The following LRFN5 variants were observed in gnomAD, a reference collection of about 807,000 sequenced individuals.
The protein encoded by LRFN5 is leucine-rich repeat and fibronectin type-III domain-containing protein 5.
LRFN5 carries 24 observed loss-of-function variants against 45.6 expected under a neutral mutation model. That is an observed-to-expected ratio of 0.53 (90% CI 0.38 to 0.74). The LOEUF is 0.74. Ranked by LOEUF, LRFN5 falls within the 30% of genes least tolerant of loss-of-function variation. The probability of loss-of-function intolerance (pLI) is 0.00; values close to 1 mark genes in which losing one functional copy is unlikely to be tolerated. For synonymous variants in LRFN5, 340 were observed against 313.8 expected (o/e 1.08, Z -0.88); for missense variants, 776 against 861.5 (o/e 0.90, Z 1.24).
chr14:41,611,583 AG>A (rs1238976310), intron 1 of LRFN5, among the ~76,000 whole-genome samples: 3 of 152,194 alleles, frequency 2.0e-5, no homozygotes, highest in Non-Finnish European at 2.9e-5. Flanking sequence ...ATAGGTGAAA[AG>A]AAGTTGTCAC....
intron 2 of LRFN5, among the ~76,000 whole-genome samples, chr14:41,798,563 A>G (rs1887213895): frequency 6.6e-6 from 1 of 152,012 alleles, no homozygotes; most frequent in Admixed American, 6.6e-5. Flanking sequence ...TTTCCTAATG[A>G]TTAGATCCAT....
rs538767721 is a variant in LRFN5, at chr14:41,895,357, G to A, written c.2098+3395G>A. ...GTAGACACAGTGGCTGGGCACGGGG[G>A]CTCACACTGTAATCCCAGCACTCTG... On this transcript the variant is annotated intron_variant, in intron 4 of 5. Transcript: ENST00000298119. 4.6e-5 allele frequency among the ~76,000 whole-genome samples: 7 copies of A among 152,238 alleles called. No homozygotes were observed. In the South Asian group the frequency reaches 1.2e-3, roughly 27 times the overall value.
At chr14:41,665,248 T>C (rs565689021) in intron 1 of LRFN5, among the ~76,000 whole-genome samples, 75 of 152,046 alleles carry the variant, frequency 4.9e-4, no homozygotes, top group African/African-American at 1.7e-3. Flanking sequence ...CCACTTGCTG[T>C]AATGTTTTCC....
intron 2 of LRFN5, among the ~76,000 whole-genome samples, chr14:41,785,438 T>C (rs1391545209): frequency 6.6e-6 from 1 of 152,104 alleles, no homozygotes; most frequent in African/African-American, 2.4e-5. Flanking sequence ...TCTTTGTTTA[T>C]TTTTTATGGT....
intron 1 of LRFN5, among the ~76,000 whole-genome samples, chr14:41,645,123 T>C (rs1378433853): frequency 6.6e-6 from 1 of 152,194 alleles, no homozygotes; most frequent in Non-Finnish European, 1.5e-5. Context: ...AAGTTATTAA[T>C]AATACTTATT....
At chr14:41,742,451 A>G (rs889195367) in intron 1 of LRFN5, among the ~76,000 whole-genome samples, 13 of 152,190 alleles carry the variant, frequency 8.5e-5, no homozygotes, top group African/African-American at 2.9e-4. Context: ...ATAGAAAGAC[A>G]AATAGTTTAT....
intron 2 of LRFN5, among the ~76,000 whole-genome samples, chr14:41,881,294 T>C (rs994613835): frequency 2.3e-4 from 35 of 152,018 alleles, no homozygotes; most frequent in African/African-American, 8.4e-4. Context: ...TGAAGAATAC[T>C]TTTATTAGAT....
intron 1 of LRFN5, among the ~76,000 whole-genome samples, chr14:41,655,955 C>T (rs996999963): frequency 6.6e-6 from 1 of 151,940 alleles, no homozygotes; most frequent in Non-Finnish European, 1.5e-5. Flanking sequence ...TTTTTAAGTG[C>T]TTATTAGTTA....
intron 1 of LRFN5, among the ~76,000 whole-genome samples, chr14:41,659,725 CTT>C (rs1345608639): frequency 2.6e-5 from 4 of 152,074 alleles, no homozygotes; most frequent in African/African-American, 7.2e-5. Flanking sequence ...TGTTTCCTGA[CTT>C]TTTAATGATC....
intron 1 of LRFN5, among the ~76,000 whole-genome samples, chr14:41,654,610 G>A (rs1441239328): frequency 6.6e-6 from 1 of 151,950 alleles, no homozygotes; most frequent in Non-Finnish European, 1.5e-5. Context: ...CCTGAGTATA[G>A]GGACTAGGAA....
chr14:41,847,611 G>GT (rs531088745), intron 2 of LRFN5, among the ~76,000 whole-genome samples: 77 of 151,334 alleles, frequency 5.1e-4, no homozygotes, highest in African/African-American at 1.5e-3. Context: ...TTTGATATGT[G>GT]TTTTTTTTCA....
intron 2 of LRFN5, among the ~76,000 whole-genome samples, chr14:41,862,162 A>G: frequency 6.6e-6 from 1 of 152,198 alleles, no homozygotes; most frequent in Non-Finnish European, 1.5e-5. Flanking sequence ...TCTTTTCGTT[A>G]TAAATTACCA....
chr14:41,659,272 A>T (rs901605999), intron 1 of LRFN5, among the ~76,000 whole-genome samples: 1 of 151,584 alleles, frequency 6.6e-6, no homozygotes, highest in African/African-American at 2.4e-5. Flanking sequence ...TCATTGTTCA[A>T]CTCCCACTAA....
chr14:41,892,843 C>A (rs959832812), intron 4 of LRFN5: 1 of 985,258 alleles, frequency 1.0e-6, no homozygotes, highest in South Asian at 4.7e-5. Flanking sequence ...TCCTATGCAT[C>A]TACATGGACA....
At chr14:41,737,154 C>T (rs61992373) in intron 1 of LRFN5, among the ~76,000 whole-genome samples, 19,890 of 152,050 alleles carry the variant, frequency 0.13, 1,543 homozygotes, top group Non-Finnish European at 0.18. Context: ...CTATCCACCA[C>T]GATCAAGTTG....
rs1555361167 is a variant in LRFN5 at position 41,759,490 on chromosome 14, C to CACACAT, written c.-196-7359_-196-7358insTACACA. Among the ~76,000 whole-genome samples the CACACAT allele has an allele frequency of 9.1e-4, 75 of 82,292 alleles. No individual in the cohort carries two copies. The East Asian group carries it at 0.062, about 68-fold the overall frequency. 54.0% of individuals were successfully genotyped at this position (82,292 alleles called of 152,430 possible). On this transcript the variant is annotated intron_variant, in intron 1 of 5. Transcript: ENST00000298119. Reference sequence around the variant, plus strand: ...ACACACACACACACACACACACACACACACACACAGAGAGAGCACCAGAAA... The same window carrying CACACAT: ...ACACACACACACACACACACACACACACACATACACACACAGAGAGAGCACCAGAAA...
intron 1 of LRFN5, among the ~76,000 whole-genome samples, chr14:41,664,160 G>A (rs1385186953): frequency 1.3e-5 from 2 of 152,018 alleles, no homozygotes; most frequent in Non-Finnish European, 2.9e-5. Flanking sequence ...ACACGAGGGA[G>A]TAAAAATTAT....
intron 2 of LRFN5, among the ~76,000 whole-genome samples, chr14:41,882,766 C>T (rs1890426268): frequency 6.6e-6 from 1 of 151,498 alleles, no homozygotes; most frequent in Non-Finnish European, 1.5e-5. Flanking sequence ...TCGTTTTATC[C>T]CAAGTTATGT....
intron 2 of LRFN5, among the ~76,000 whole-genome samples, chr14:41,778,706 G>A (rs917139975): frequency 2.6e-5 from 4 of 151,852 alleles, no homozygotes; most frequent in South Asian, 2.1e-4. Context: ...CTGCCTCTGT[G>A]TGCAATATTG....
Sources: allele counts gnomAD v4.1 joint callset (sites outside exome capture counted in the v4.1 genomes callset), GRCh38; gene constraint gnomAD v4.1.1; transcripts MANE v1.5; gene names NCBI Gene and HGNC (gene_info 2026-07-23, HGNC 2026-07-21).